The following GIPC3 variants were observed in gnomAD, a reference collection of about 807,000 sequenced individuals.
The protein encoded by GIPC3 is PDZ domain-containing protein GIPC3.
GIPC3 carries 16 observed loss-of-function variants against 27.3 expected under a neutral mutation model. The ratio of observed to expected loss-of-function variants is 0.59; its 90% CI spans 0.40 to 0.89. GIPC3 has a LOEUF of 0.89. Ranked by LOEUF, GIPC3 falls within the 40% of genes least tolerant of loss-of-function variation. The probability of loss-of-function intolerance (pLI) is 0.00; values close to 1 mark genes in which losing one functional copy is unlikely to be tolerated. For missense variants in GIPC3, 440 were observed against 442.1 expected, an observed-to-expected ratio of 1.00 and a Z score of 0.04; for synonymous variants, 194 against 184.6, an observed-to-expected ratio of 1.05 and a Z score of -0.41.
rs868180258 is a variant in GIPC3 at position 3,592,754 on chromosome 19, C to T, written c.*2564C>T. ...AGACCGGCTCAAGAATTCAGCCCAGCCCTGGAGCCCACCTTAGTTCTGGAA... is the reference window on the plus strand; with the variant it reads ...AGACCGGCTCAAGAATTCAGCCCAGTCCTGGAGCCCACCTTAGTTCTGGAA... On this transcript the variant is annotated 3_prime_UTR_variant, in exon 6 of 6. Transcript: ENST00000644452. The T allele has an allele frequency of 2.4e-6, 3 of 1,231,956 alleles. No homozygotes were observed. The highest frequency in any genetic ancestry group is 6.3e-5 in the East Asian group (2 of 31,720). The allele number at this position is 1,231,956 out of a possible 1,614,324, so 76.3% of individuals were successfully genotyped here. A position where few individuals can be genotyped will look rare whatever the true frequency, so the allele number is the denominator to read the frequency against.
At position 3,593,330 on chromosome 19, in the gene GIPC3, C is replaced by T. The variant is rs992135659; in HGVS notation, c.*3140C>T. ...CCCTGGTTCATGTGGTTCTCGTCCT[C>T]TCCTGTCCCTTCCAGCCTGGGGCCC... is the stretch of plus-strand genomic sequence containing the variant. On this transcript the variant is annotated 3_prime_UTR_variant, in exon 6 of 6. Transcript: ENST00000644452. 6 of 1,232,128 alleles carry T rather than the reference C, an allele frequency of 4.9e-6. No individual in the cohort carries two copies. In the African/African-American group the frequency reaches 7.8e-5, roughly 16 times the overall value. 76.3% of individuals were successfully genotyped at this position (1,232,128 alleles called of 1,614,324 possible).
chr19:3,593,409 G>C lies in GIPC3; in HGVS notation c.*3219G>C. The C allele has an allele frequency of 1.1e-6, 1 of 935,016 alleles. No individual in the cohort carries two copies. The allele number at this position is 935,016 out of a possible 1,614,324, so 57.9% of individuals were successfully genotyped here. ...CAGCAGGCGGTGGTAGGGAGTGTGC[G>C]GTGGTGAAAACAGGGGCTTCACCGG... On this transcript the variant is annotated 3_prime_UTR_variant, in exon 6 of 6. Transcript: ENST00000644452.
At position 3,585,523 on chromosome 19, in the gene GIPC3, G is replaced by T. The variant is rs971642414; in HGVS notation, c.-75G>T. On this transcript the variant is annotated 5_prime_UTR_variant, in exon 1 of 6. Transcript: ENST00000644452. ...TCGGCTGTCGCGCCCTGGGCCGGGG[G>T]AGGGGAGGCTGCAGGAAGCGGCGGA... 8.4e-6 allele frequency: 9 copies of T among 1,075,628 alleles called. No homozygotes were observed. The African/African-American group carries it at 1.0e-4, about 12-fold the overall frequency. 66.6% of individuals were successfully genotyped at this position (1,075,628 alleles called of 1,614,324 possible).
rs78608038 is a variant in GIPC3 at position 3,590,225 on chromosome 19, G to A, written c.*35G>A. 2.9e-3 allele frequency: 4,524 copies of A among 1,559,144 alleles called. 97 individuals are homozygous for A. In the African/African-American group the frequency reaches 0.048, roughly 17 times the overall value. The stretch of plus-strand genomic sequence containing the variant: ...GGGGGGCCCAGCACAGCCCCAGCCC[G>A]GAGCCCAGCCCCCTGCCCCGGCCCT... On this transcript the variant is annotated 3_prime_UTR_variant, in exon 6 of 6. Coordinates refer to ENST00000644452, the MANE Select transcript of GIPC3 (RefSeq NM_133261.3).
In GIPC3 at chr19:3,590,410, C is replaced by T. The variant is rs1262331401; in HGVS notation, c.*220C>T. 6 of 1,432,296 alleles carry T rather than the reference C, an allele frequency of 4.2e-6. No homozygotes were observed. The highest frequency in any genetic ancestry group is 4.6e-6 in the Non-Finnish European group (5 of 1,097,796). 88.7% of individuals were successfully genotyped at this position (1,432,296 alleles called of 1,614,324 possible). On this transcript the variant is annotated 3_prime_UTR_variant, in exon 6 of 6. Coordinates refer to ENST00000644452, the MANE Select transcript of GIPC3 (RefSeq NM_133261.3). ...GCCCAGGCCAGCTCTGAGACCAAGCCCAGCATTGAGAATAAGCTCTGTTCT... is the reference window on the plus strand; with the variant it reads ...GCCCAGGCCAGCTCTGAGACCAAGCTCAGCATTGAGAATAAGCTCTGTTCT...
chr19:3,586,593 C>A lies in GIPC3; in HGVS notation c.324C>A (p.Gly108=). 6.2e-7 allele frequency: 1 copy of A among 1,613,410 alleles called. No homozygotes were observed. The highest frequency in any genetic ancestry group is 8.5e-7 in the Non-Finnish European group (1 of 1,179,852). The part of the protein sequence containing the change: ...LEDFIFAHVR[G]ETKEVEVTKT... ...ACTTCATCTTTGCCCACGTGCGAGGCGAGACCAAGGAGGTGGAGGTCACTA... is the reference window on the plus strand; with the variant it reads ...ACTTCATCTTTGCCCACGTGCGAGGAGAGACCAAGGAGGTGGAGGTCACTA... The change falls in exon 2 of 6, where the codon GGC becomes GGA. Residue 108 remains glycine, a synonymous_variant. Coordinates refer to ENST00000644452, the MANE Select transcript of GIPC3 (RefSeq NM_133261.3).
rs946085339 is a variant in GIPC3, at chr19:3,585,733, G to A, written c.136G>A (p.Gly46Arg). Residue 46 changes from glycine to arginine, a missense_variant, in exon 1 of 6, where the codon GGG (glycine) becomes AGG (arginine). By Grantham distance (125) the Gly-to-Arg change is moderately radical. Coordinates refer to ENST00000644452, the MANE Select transcript of GIPC3 (RefSeq NM_133261.3). The stretch of plus-strand genomic sequence containing the variant: ...CGTCTTCCGCACGCAGCTGGCGCAC[G>A]GGAGCCCCACGGGCAAGATCGAGGG... ...RLVFRTQLAH[G>R]SPTGKIEGFT... The A allele has an allele frequency of 3.3e-6, 5 of 1,534,494 alleles. No homozygotes were observed.
At position 3,593,298 on chromosome 19, in the gene GIPC3, G is replaced by A; in HGVS notation, c.*3108G>A. On this transcript the variant is annotated 3_prime_UTR_variant, in exon 6 of 6. Transcript: ENST00000644452. ...CCGCGGGGGGCCGTAGCTTGGCTGT[G>A]ACTTAGCCCTGGTTCATGTGGTTCT... The A allele has an allele frequency of 1.6e-6, 2 of 1,232,298 alleles. No homozygotes were observed. Among genetic ancestry groups the A allele is most frequent in the Non-Finnish European group, 2.0e-6 (2 of 988,152 alleles). The allele number at this position is 1,232,298 out of a possible 1,614,324, so 76.3% of individuals were successfully genotyped here. A position where few individuals can be genotyped will look rare whatever the true frequency, so the allele number is the denominator to read the frequency against.
rs111682774 is a variant in GIPC3, at chr19:3,590,733, C to A, written c.*543C>A. On this transcript the variant is annotated 3_prime_UTR_variant, in exon 6 of 6. Transcript: ENST00000644452. The stretch of plus-strand genomic sequence containing the variant: ...AACTCAGATGGGCTCTGAGACCATG[C>A]CCAGCTCTAGAACTCAGATGGGCTC... 5.8e-5 allele frequency: 59 copies of A among 1,017,204 alleles called. 1 individual carries two copies. Among genetic ancestry groups the A allele is most frequent in the Admixed American group, 2.2e-4 (5 of 22,800 alleles). The allele number at this position is 1,017,204 out of a possible 1,614,324, so 63.0% of individuals were successfully genotyped here.
rs1286788942 is a variant in GIPC3 at position 3,591,670 on chromosome 19, T to A, written c.*1480T>A. On this transcript the variant is annotated 3_prime_UTR_variant, in exon 6 of 6. Coordinates refer to ENST00000644452, the MANE Select transcript of GIPC3 (RefSeq NM_133261.3). ...GCCCAGTCCAGATCCCAACCCCAGT[T>A]GCATCCAAGTGCCCATCCCCATCCT... 2 of 1,233,998 alleles carry A rather than the reference T, an allele frequency of 1.6e-6. No individual in the cohort carries two copies. Among genetic ancestry groups the A allele is most frequent in the African/African-American group, 3.1e-5 (2 of 64,380 alleles). 76.4% of individuals were successfully genotyped at this position (1,233,998 alleles called of 1,614,324 possible).
Position 3,592,203 on chromosome 19 carries a change from G to T in GIPC3, c.*2013G>T. On this transcript the variant is annotated 3_prime_UTR_variant, in exon 6 of 6. Coordinates refer to ENST00000644452, the MANE Select transcript of GIPC3 (RefSeq NM_133261.3). ...CTCCAGGACCCAGCGCTGCCCAGGAGCTCGACCAGCCTCTGGGACTCAATT... is the reference window on the plus strand; with the variant it reads ...CTCCAGGACCCAGCGCTGCCCAGGATCTCGACCAGCCTCTGGGACTCAATT... 1 of 1,232,080 alleles carries T rather than the reference G, an allele frequency of 8.1e-7. No individual in the cohort carries two copies. Among genetic ancestry groups the T allele is most frequent in the Non-Finnish European group, 1.0e-6 (1 of 988,032 alleles). 76.3% of individuals were successfully genotyped at this position (1,232,080 alleles called of 1,614,324 possible).
In GIPC3 at chr19:3,585,821, A is replaced by C. The variant is rs1310058661; in HGVS notation, c.224A>C (p.Glu75Ala). 7 of 1,543,458 alleles carry C rather than the reference A, an allele frequency of 4.5e-6. No individual in the cohort carries two copies. Among genetic ancestry groups the C allele is most frequent in the Non-Finnish European group, 6.1e-6 (7 of 1,145,776 alleles). Residue 75 changes from glutamate (E) to alanine (A), a missense_variant and splice_region_variant, in exon 1 of 6, where the codon GAG becomes GCG. Coordinates refer to ENST00000644452, the MANE Select transcript of GIPC3 (RefSeq NM_133261.3). ...IAEAFGIAPTEILFCTLNSHK... is the reference protein window; with the variant it reads ...IAEAFGIAPTAILFCTLNSHK... The stretch of plus-strand genomic sequence containing the variant: ...GAAGCCTTCGGGATCGCGCCCACCG[A>C]GGTAAGGAGCCCGGACACCGGCGCC...
Position 3,591,077 on chromosome 19 carries a change from C to T in GIPC3, c.*887C>T, listed in dbSNP as rs1038113410. The T allele has an allele frequency of 3.2e-6, 4 of 1,230,918 alleles. No homozygotes were observed. The highest frequency in any genetic ancestry group is 3.0e-6 in the Non-Finnish European group (3 of 988,104). 76.2% of individuals were successfully genotyped at this position (1,230,918 alleles called of 1,614,324 possible). On this transcript the variant is annotated 3_prime_UTR_variant, in exon 6 of 6. Transcript: ENST00000644452. ...CCAAGCCGTGTTCTAGAATTCAGGC[C>T]ACATCTGAAGCCAAGCCCAGCTCTA...
chr19:3,589,956 C>A (rs758088199), intron 5 of GIPC3, 44 bp downstream of exon 5: 7 of 1,613,238 alleles, frequency 4.3e-6, no homozygotes, highest in Non-Finnish European at 5.9e-6. Context: ...GGGAGGGAAG[C>A]CTACGGGAGG....
Position 3,593,008 on chromosome 19 carries a change from G to T in GIPC3, c.*2818G>T. 1 of 1,090,504 alleles carries T rather than the reference G, an allele frequency of 9.2e-7. No homozygotes were observed. The allele number at this position is 1,090,504 out of a possible 1,614,324, so 67.6% of individuals were successfully genotyped here. On this transcript the variant is annotated 3_prime_UTR_variant, in exon 6 of 6. Transcript: ENST00000644452. ...CTGCCTCAGCCCCATGATCAGGTAT[G>T]TGGCATCCAGGCCAGCCTTGGCCCC... is the stretch of plus-strand genomic sequence containing the variant.
rs1204281447 is a variant in GIPC3 at position 3,586,861 on chromosome 19, G to C, written c.459G>C (p.Val153=). The change falls in exon 3 of 6, where the codon GTG becomes GTC. Residue 153 remains valine, a synonymous_variant. Transcript: ENST00000644452. ...SIINRIEAVC[V]GDSIEAINDH... The stretch of plus-strand genomic sequence containing the variant: ...TCAACCGGATCGAGGCAGTGTGCGT[G>C]GGTGACAGCATCGAAGCCATCAACG... 6.2e-7 allele frequency: 1 copy of C among 1,613,622 alleles called. No individual in the cohort carries two copies. Among genetic ancestry groups the C allele is most frequent in the South Asian group, 1.1e-5 (1 of 91,084 alleles).
Position 3,585,704 on chromosome 19 carries a change from G to A in GIPC3, c.107G>A (p.Arg36His). Reference sequence around the variant, plus strand: ...CCGGCCGCGCCCCGCGCCCGCCCGCGCCTCGTCTTCCGCACGCAGCTGGCG... The same window carrying A: ...CCGGCCGCGCCCCGCGCCCGCCCGCACCTCGTCTTCCGCACGCAGCTGGCG... ...EPPAAPRARP[R>H]LVFRTQLAHG... Residue 36 changes from arginine to histidine, a missense_variant, in exon 1 of 6, where the codon CGC (arginine) becomes CAC (histidine). Transcript: ENST00000644452. 2.1e-6 allele frequency: 3 copies of A among 1,450,224 alleles called. No individual in the cohort carries two copies. The highest frequency in any genetic ancestry group is 2.7e-5 in the South Asian group (2 of 73,608). 89.8% of individuals were successfully genotyped at this position (1,450,224 alleles called of 1,614,324 possible). A position where few individuals can be genotyped will look rare whatever the true frequency, so the allele number is the denominator to read the frequency against.
At chr19:3,586,730 C>T (rs774607609) in intron 2 of GIPC3, 50 bp downstream of exon 2, 16 of 1,609,602 alleles carry the variant, frequency 9.9e-6, no homozygotes, top group Non-Finnish European at 1.4e-5. Flanking sequence ...AGCAACTGCC[C>T]CCCCCACTCT....
At position 3,590,915 on chromosome 19, in the gene GIPC3, C is replaced by G. The variant is rs534489858; in HGVS notation, c.*725C>G. ...CCCAGATGAGCTCTGAGACCATGCC[C>G]AGCTCTAGAACTCAGATGAGCTCTG... On this transcript the variant is annotated 3_prime_UTR_variant, in exon 6 of 6. Transcript: ENST00000644452. 20 of 1,234,972 alleles carry G rather than the reference C, an allele frequency of 1.6e-5. No individual in the cohort carries two copies. In the South Asian group the frequency reaches 4.4e-4, roughly 27 times the overall value. The allele number at this position is 1,234,972 out of a possible 1,614,324, so 76.5% of individuals were successfully genotyped here. A position where few individuals can be genotyped will look rare whatever the true frequency, so the allele number is the denominator to read the frequency against.
Sources: gnomAD v4.1 joint callset for allele counts on GRCh38, gnomAD v4.1.1 for gene constraint, MANE v1.5 for transcripts, NCBI Gene and HGNC (gene_info 2026-07-23, HGNC 2026-07-21) for gene names.